SLC9A7: variants seen among roughly 807,000 people sequenced by gnomAD.
SLC9A7 encodes the protein sodium/hydrogen exchanger 7.
In SLC9A7, 19 loss-of-function variants were observed where a neutral mutation model predicts 52.6. That is an observed-to-expected ratio of 0.36 (90% confidence interval 0.25 to 0.53). SLC9A7 has a LOEUF of 0.53. Among genes scored for constraint, SLC9A7 ranks in the 20% least tolerant of loss-of-function variants. The probability of loss-of-function intolerance (pLI) is 0.91; values close to 1 mark genes in which losing one functional copy is unlikely to be tolerated. For synonymous variants in SLC9A7, 226 were observed against 252.1 expected (o/e 0.90, Z 0.98); for missense variants, 455 against 597.9 (o/e 0.76, Z 2.49).
chrX:46,728,834 A>G (rs1235848755), intron 1 of SLC9A7, among the ~76,000 whole-genome samples: 1 of 112,784 alleles, frequency 8.9e-6, no homozygotes, highest in East Asian at 2.7e-4. Flanking sequence ...CTATTGATAC[A>G]CATTACATCA....
chrX:46,734,028 C>A (rs1459453730), intron 1 of SLC9A7, among the ~76,000 whole-genome samples: 2 of 112,147 alleles, frequency 1.8e-5, no homozygotes, highest in Non-Finnish European at 3.8e-5. Context: ...GGCTTCTCAA[C>A]CTTAGCACCA....
intron 5 of SLC9A7, among the ~76,000 whole-genome samples, chrX:46,668,793 T>C (rs1468191226): frequency 1.8e-5 from 2 of 111,571 alleles, no homozygotes; most frequent in Non-Finnish European, 3.8e-5. Context: ...AGCATTTCAA[T>C]TTTGCAAGAT....
intron 1 of SLC9A7, among the ~76,000 whole-genome samples, chrX:46,724,534 G>A (rs1180184923): frequency 8.9e-6 from 1 of 112,085 alleles, no homozygotes; most frequent in Non-Finnish European, 1.9e-5. Context: ...ATAAATAAAT[G>A]TCCTATACAT....
At chrX:46,633,374 A>AAAAAAAAC (rs1569505118) in intron 13 of SLC9A7, among the ~76,000 whole-genome samples, 10 of 98,950 alleles carry the variant, frequency 1.0e-4, no homozygotes, top group African/African-American at 3.0e-4. Context: ...AAAAAAAAAA[A>AAAAAAAAC]AAAAAAACAG....
At chrX:46,756,883 C>T (rs1405045971) in intron 1 of SLC9A7, among the ~76,000 whole-genome samples, 3 of 111,712 alleles carry the variant, frequency 2.7e-5, no homozygotes, top group Non-Finnish European at 5.6e-5. Flanking sequence ...TTTAAAAGTA[C>T]GTATCAGCAA....
At chrX:46,746,562 G>A (rs958725613) in intron 1 of SLC9A7, among the ~76,000 whole-genome samples, 2 of 112,155 alleles carry the variant, frequency 1.8e-5, no homozygotes, top group Non-Finnish European at 3.8e-5. Context: ...CTAATCATCA[G>A]AGGAATGCAA....
chrX:46,725,820 T>C (rs1282844448), intron 1 of SLC9A7: 3 of 642,904 alleles, frequency 4.7e-6, no homozygotes, highest in South Asian at 4.5e-5. Flanking sequence ...TTGGTTGATC[T>C]TGAGCGGCCG....
chrX:46,747,656 G>T (rs1324636243), intron 1 of SLC9A7, among the ~76,000 whole-genome samples: 7 of 111,547 alleles, frequency 6.3e-5, no homozygotes, highest in Admixed American at 1.9e-4. Flanking sequence ...AGGAGGCAGA[G>T]ATTAATATTC....
At chrX:46,682,294 C>T (rs1602224492) in intron 2 of SLC9A7, 42 bp downstream of exon 2, 1 of 1,156,052 alleles carries the variant, frequency 8.7e-7, no homozygotes, top group Non-Finnish European at 1.2e-6. Flanking sequence ...AGGGAATCAA[C>T]AACCATGTCA....
chrX:46,755,502 T>C (rs1268203520), intron 1 of SLC9A7, among the ~76,000 whole-genome samples: 1 of 110,909 alleles, frequency 9.0e-6, no homozygotes, highest in Non-Finnish European at 1.9e-5. Flanking sequence ...TAGGGAGAAG[T>C]AGGCGTCAAA....
intron 7 of SLC9A7, among the ~76,000 whole-genome samples, chrX:46,654,066 C>T (rs1458715911): frequency 9.0e-6 from 1 of 110,970 alleles, no homozygotes; most frequent in African/African-American, 3.3e-5. Flanking sequence ...TGACAAATCT[C>T]GTTGGCTATA....
chrX:46,635,773 T>G, intron 12 of SLC9A7, 125 bp from the exon 13 acceptor site: 2 of 478,928 alleles, frequency 4.2e-6, no homozygotes, highest in Non-Finnish European at 7.2e-6. Flanking sequence ...ATCCATATCT[T>G]CTCTTAAACT....
At chrX:46,609,552 A>G (rs1942810731) in intron 16 of SLC9A7, among the ~76,000 whole-genome samples, 1 of 86,931 alleles carries the variant, frequency 1.2e-5, no homozygotes, top group Non-Finnish European at 2.0e-5. Flanking sequence ...TACAAAAATT[A>G]GCCGGGTGGT....
chrX:46,611,264 C>T (rs749358390), intron 16 of SLC9A7, among the ~76,000 whole-genome samples: 1 of 112,130 alleles, frequency 8.9e-6, no homozygotes, highest in African/African-American at 3.2e-5. Flanking sequence ...TGGTTTGTGT[C>T]CTTCTAACCT....
intron 3 of SLC9A7, among the ~76,000 whole-genome samples, chrX:46,673,951 G>A (rs906878817): frequency 2.7e-5 from 3 of 112,171 alleles, no homozygotes; most frequent in Non-Finnish European, 3.8e-5. Context: ...TTAAATAACC[G>A]CCTTTTTGTT....
Position 46,606,997 on chromosome X carries a change from C to T in SLC9A7, c.2136G>A (p.Ser712=), listed in dbSNP as rs146058303. 3.6e-5 allele frequency: 43 copies of T among 1,209,184 alleles called. No homozygotes were observed. The highest frequency in any genetic ancestry group is 4.5e-5 in the Non-Finnish European group (40 of 895,032). The part of the protein sequence containing the change: ...RDLGMGDQKV[S]SRGTRLVFPL... ...GAAACACTAGGCGGGTGCCCCGGCT[C>T]GAAACCTTCTGGTCTCCCATTCCCA... Residue 712 remains serine (S), a synonymous_variant, in exon 17 of 17, where the codon TCG becomes TCA. Transcript: ENST00000616978.
rs1376057346 is a variant in SLC9A7, at chrX:46,636,365, T to C, written c.1617-717A>G. On this transcript the variant is annotated intron_variant, in intron 12 of 16. Transcript: ENST00000616978. ...ACATTTTGGGTCAGATAATTCTCTG[T>C]TGTGGTGACCCGCATGGTGCACTCA... Among the ~76,000 whole-genome samples the C allele has an allele frequency of 2.7e-5, 3 of 111,142 alleles. No individual in the cohort carries two copies. In the East Asian group the frequency reaches 8.4e-4, roughly 31 times the overall value.
At chrX:46,635,708 T>G in intron 12 of SLC9A7, 60 bp from the exon 13 acceptor site, 2 of 877,314 alleles carry the variant, frequency 2.3e-6, no homozygotes, top group Non-Finnish European at 3.4e-6. Context: ...CCAGGAGCTC[T>G]GGGCAAATGA....
Position 46,678,052 on chromosome X carries a change from T to C in SLC9A7, c.603+1626A>G, listed in dbSNP as rs769344321. The stretch of plus-strand genomic sequence containing the variant: ...AACTTATTGGCACAAAAATTGTTCA[T>C]AGTATTCCCTTATTATCCTTTTAAT... On this transcript the variant is annotated intron_variant, in intron 3 of 16. Transcript: ENST00000616978. Among the ~76,000 whole-genome samples, 5 of 112,233 alleles carry C rather than the reference T, an allele frequency of 4.5e-5. No individual in the cohort carries two copies. In the East Asian group the frequency reaches 1.1e-3, roughly 25 times the overall value.
Sources: gnomAD v4.1 joint callset for allele counts (sites outside exome capture counted in the v4.1 genomes callset) on GRCh38, gnomAD v4.1.1 for gene constraint, MANE v1.5 for transcripts, NCBI Gene and HGNC (gene_info 2026-07-23, HGNC 2026-07-21) for gene names.